C6orf136: variants seen among roughly 807,000 people sequenced by gnomAD.
The protein encoded by C6orf136 is chromosome 6 open reading frame 136.
C6orf136 carries 29 observed loss-of-function variants against 44.0 expected under a neutral mutation model. The ratio of observed to expected loss-of-function variants is 0.66; its 90% CI spans 0.49 to 0.90. The LOEUF is 0.90. Among genes scored for constraint, C6orf136 ranks in the 40% least tolerant of loss-of-function variants. The pLI is 0.00. For missense variants in C6orf136, 628 were observed against 669.3 expected (o/e 0.94, Z 0.68); for synonymous variants, 293 against 278.6 (o/e 1.05, Z -0.52).
rs1301336234 is a variant in C6orf136 at position 30,647,791 on chromosome 6, A to G, written c.560A>G (p.Gln187Arg). Residue 187 changes from glutamine to arginine, a missense_variant, in exon 1 of 6, where the codon CAA becomes CGA. Physicochemically the swap from Gln to Arg is conservative, Grantham distance 43. Transcript: ENST00000651131. The surrounding 1 kb of genome is among the most constrained non-coding windows in gnomAD (Gnocchi z 4.8). ...TRFGPLRPGWQDGHAPSRDGA... is the reference protein window; with the variant it reads ...TRFGPLRPGWRDGHAPSRDGA... ...TTCGGGCCCCTGCGCCCGGGCTGGC[A>G]AGATGGCCACGCCCCCAGCAGAGAC... 2 of 1,541,304 alleles carry G rather than the reference A, an allele frequency of 1.3e-6. No homozygotes were observed. Among genetic ancestry groups the G allele is most frequent in the Non-Finnish European group, 1.7e-6 (2 of 1,144,588 alleles).
Position 30,652,919 on chromosome 6 carries a change from T to G in C6orf136, c.*4T>G. The G allele has an allele frequency of 1.2e-6, 2 of 1,611,260 alleles. No individual in the cohort carries two copies. Among genetic ancestry groups the G allele is most frequent in the Non-Finnish European group, 1.7e-6 (2 of 1,178,680 alleles). ...AAACCTGTGTTCCAAGCCCTGATCCTTGACCTTGGAGTGGAGGCAGCACTG... is the reference window on the plus strand; with the variant it reads ...AAACCTGTGTTCCAAGCCCTGATCCGTGACCTTGGAGTGGAGGCAGCACTG... On this transcript the variant is annotated 3_prime_UTR_variant, in exon 6 of 6. Coordinates refer to ENST00000651131, the MANE Select transcript of C6orf136 (RefSeq NM_001161376.2).
At chr6:30,652,741 GGGGTAAA>G in intron 5 of C6orf136, 24 bp downstream of exon 5, 1 of 1,612,682 alleles carries the variant, frequency 6.2e-7, no homozygotes. Context: ...AGGGCTGGGT[GGGGTAAA>G]GGGTAGAACA....
At chr6:30,651,691 CAG>C (rs1767438233) in intron 4 of C6orf136, among the ~76,000 whole-genome samples, 1 of 151,808 alleles carries the variant, frequency 6.6e-6, no homozygotes, top group Non-Finnish European at 1.5e-5. Flanking sequence ...TTTTAGTAGA[CAG>C]AGGGTTTCAC....
Position 30,651,101 on chromosome 6 carries a change from G to A in C6orf136, c.1106+19G>A. The A allele has an allele frequency of 6.2e-7, 1 of 1,606,698 alleles. No homozygotes were observed. The highest frequency in any genetic ancestry group is 8.5e-7 in the Non-Finnish European group (1 of 1,173,360). On this transcript the variant is annotated intron_variant, in intron 3 of 5. Coordinates refer to ENST00000651131, the MANE Select transcript of C6orf136 (RefSeq NM_001161376.2). Reference sequence around the variant, plus strand: ...GTACCAAGTGAGAATTGGGGCACAGGTAGGGCACTGGGGAGGAAAAGCACC... The same window carrying A: ...GTACCAAGTGAGAATTGGGGCACAGATAGGGCACTGGGGAGGAAAAGCACC...
At chr6:30,652,228 G>C (rs531505762) in intron 4 of C6orf136, among the ~76,000 whole-genome samples, 1 of 135,546 alleles carries the variant, frequency 7.4e-6, no homozygotes, top group Non-Finnish European at 1.6e-5. Context: ...GGGTGACAGA[G>C]TGAAACCCTG....
Position 30,647,626 on chromosome 6 carries a change from G to A in C6orf136, c.395G>A (p.Gly132Asp). The A allele has an allele frequency of 6.5e-7, 1 of 1,549,914 alleles. No homozygotes were observed. The highest frequency in any genetic ancestry group is 1.2e-5 in the South Asian group (1 of 84,012). ...CCTAGAGGTGATTTGAAGGGCAGGG[G>A]CCGAGAGATTCGTAGCCCTGCTGCG... ...PVPRGDLKGR[G>D]REIRSPAAAP... Residue 132 changes from glycine to aspartate, a missense_variant, in exon 1 of 6, where the codon GGC becomes GAC. Around this residue, in one of 2 missense-constraint regions of C6orf136, gnomAD observed 497 missense variants for 469.2 expected, o/e 1.06. Transcript: ENST00000651131. This position sits in a 1 kb window ranked among gnomAD's most constrained non-coding sequence, Gnocchi z 4.8.
intron 3 of C6orf136, 36 bp from the exon 4 acceptor site, chr6:30,651,230 C>T: frequency 1.2e-6 from 2 of 1,609,832 alleles, no homozygotes; most frequent in African/African-American, 1.3e-5. Flanking sequence ...TCTAATTCTG[C>T]CATCATGAGA....
intron 4 of C6orf136, 124 bp from the exon 5 acceptor site, chr6:30,652,524 T>C: frequency 2.4e-6 from 2 of 844,710 alleles, no homozygotes; most frequent in East Asian, 2.4e-5. Context: ...ACTGAGATGT[T>C]TGTAAGTTGC....
At chr6:30,650,543 G>A (rs1011834579) in intron 2 of C6orf136, among the ~76,000 whole-genome samples, 2 of 151,956 alleles carry the variant, frequency 1.3e-5, no homozygotes, top group South Asian at 2.1e-4. Context: ...CTAGCACTTT[G>A]GGAGGCCGAG....
intron 4 of C6orf136, among the ~76,000 whole-genome samples, chr6:30,652,251 ACACACAC>A (rs1288261962): frequency 1.4e-5 from 2 of 141,652 alleles, no homozygotes; most frequent in Non-Finnish European, 3.1e-5. Flanking sequence ...ACACACACAC[ACACACAC>A]ACACACACAC....
chr6:30,647,806 C>G lies in C6orf136; in HGVS notation c.575C>G (p.Pro192Arg). The G allele has an allele frequency of 5.9e-6, 9 of 1,534,172 alleles. No homozygotes were observed. Among genetic ancestry groups the G allele is most frequent in the South Asian group, 2.4e-5 (2 of 83,092 alleles). ...CCGGGCTGGCAAGATGGCCACGCCC[C>G]CAGCAGAGACGGCGCCTCTAGGACA... ...LRPGWQDGHAPSRDGASRTPS... is the reference protein window; with the variant it reads ...LRPGWQDGHARSRDGASRTPS... The change falls in exon 1 of 6, where the codon CCC (proline) becomes CGC (arginine). Residue 192 changes from proline (P) to arginine (R), a missense_variant. Coordinates refer to ENST00000651131, the MANE Select transcript of C6orf136 (RefSeq NM_001161376.2). This position sits in a 1 kb window ranked among gnomAD's most constrained non-coding sequence, Gnocchi z 4.8.
chr6:30,652,686 G>A lies in C6orf136; in HGVS notation c.1346G>A (p.Ser449Asn). 1 of 1,613,068 alleles carries A rather than the reference G, an allele frequency of 6.2e-7. No individual in the cohort carries two copies. Among genetic ancestry groups the A allele is most frequent in the Non-Finnish European group, 8.5e-7 (1 of 1,180,038 alleles). Residue 449 changes from serine (S) to asparagine (N), a missense_variant, in exon 5 of 6, where the codon AGT becomes AAT. Ser to Asn is a conservative substitution (Grantham distance 46, BLOSUM62 1). Coordinates refer to ENST00000651131, the MANE Select transcript of C6orf136 (RefSeq NM_001161376.2). Reference protein sequence around the residue: ...DAYSTFYLNSSGLICRHRLDK... With the variant: ...DAYSTFYLNSNGLICRHRLDK... The stretch of plus-strand genomic sequence containing the variant: ...TACTCCACTTTCTACCTGAATTCCA[G>A]TGGCCTCATTTGTCGCCATCGTCTA...
rs1582906545 is a variant in C6orf136, at chr6:30,649,459, A to C, written c.616-99A>C. 12 of 1,045,468 alleles carry C rather than the reference A, an allele frequency of 1.1e-5. No homozygotes were observed. The East Asian group carries it at 3.2e-4, about 28-fold the overall frequency. 64.8% of individuals were successfully genotyped at this position (1,045,468 alleles called of 1,614,324 possible). ...CTATAGTAATTCCATCCATTCTGTC[A>C]GGAGGAATAGGTATTGGAAGCCTGT... is the stretch of plus-strand genomic sequence containing the variant. On this transcript the variant is annotated intron_variant, in intron 1 of 5. Coordinates refer to ENST00000651131, the MANE Select transcript of C6orf136 (RefSeq NM_001161376.2).
At position 30,651,066 on chromosome 6, in the gene C6orf136, C is replaced by G; in HGVS notation, c.1090C>G (p.Leu364Val). The change falls in exon 3 of 6, where the codon CTC becomes GTC. Residue 364 changes from leucine (L) to valine (V), a missense_variant. Leu to Val is a conservative substitution (Grantham distance 32). Coordinates refer to ENST00000651131, the MANE Select transcript of C6orf136 (RefSeq NM_001161376.2). ...SLDVEFINEI[L>V]NIRTKGRTWY... ...GGATGTGGAATTCATCAATGAGATC[C>G]TCAACATACGTACCAAGTGAGAATT... The G allele has an allele frequency of 6.2e-7, 1 of 1,613,846 alleles. No homozygotes were observed. The highest frequency in any genetic ancestry group is 8.5e-7 in the Non-Finnish European group (1 of 1,179,758).
Position 30,647,765 on chromosome 6 carries a change from G to T in C6orf136, c.534G>T (p.Arg178=). Residue 178 remains arginine, a synonymous_variant, in exon 1 of 6, where the codon CGG becomes CGT. Transcript: ENST00000651131. The surrounding 1 kb of genome is among the most constrained non-coding windows in gnomAD (Gnocchi z 4.8). ...AGGAAGGCCGGCCAGTGTGCACCCG[G>T]TTCGGGCCCCTGCGCCCGGGCTGGC... ...SWQEGRPVCT[R]FGPLRPGWQD... 1 of 1,546,290 alleles carries T rather than the reference G, an allele frequency of 6.5e-7. No homozygotes were observed. The highest frequency in any genetic ancestry group is 8.7e-7 in the Non-Finnish European group (1 of 1,145,650).
intron 1 of C6orf136, among the ~76,000 whole-genome samples, chr6:30,648,543 C>T (rs1173007893): frequency 1.3e-5 from 2 of 151,586 alleles, no homozygotes; most frequent in African/African-American, 4.8e-5. Flanking sequence ...GGACTACAGG[C>T]TCCCGCCACC....
chr6:30,650,005 G>A, intron 2 of C6orf136, 46 bp downstream of exon 2: 1 of 1,552,984 alleles, frequency 6.4e-7, no homozygotes, highest in Non-Finnish European at 8.8e-7. Context: ...GGAAGGATGT[G>A]GGTAATCCTT....
chr6:30,651,148 TTTCAC>T lies in C6orf136; in HGVS notation c.1106+70_1106+74del, dbSNP rs994557013. ...CACCCAAAGGTATATACATGACCCT[TTTCAC>T]TTCCCAGAGAAGTTCCTAGACTGCT... is the stretch of plus-strand genomic sequence containing the variant. On this transcript the variant is annotated intron_variant, in intron 3 of 5. Transcript: ENST00000651131. 226 of 1,566,748 alleles carry T rather than the reference TTTCAC, an allele frequency of 1.4e-4. 1 individual carries two copies. The Middle Eastern group carries it at 1.5e-3, about 10-fold the overall frequency.
Position 30,649,772 on chromosome 6 carries a change from G to T in C6orf136, c.830G>T (p.Gly277Val). 3 of 1,614,066 alleles carry T rather than the reference G, an allele frequency of 1.9e-6. No homozygotes were observed. The highest frequency in any genetic ancestry group is 1.6e-4 in the Middle Eastern group (1 of 6,062). The change falls in exon 2 of 6, where the codon GGA (glycine) becomes GTA (valine). Residue 277 changes from glycine to valine, a missense_variant. Coordinates refer to ENST00000651131, the MANE Select transcript of C6orf136 (RefSeq NM_001161376.2). ...CCAGGAAAGGGGGAGGAGGGACCAG[G>T]ACCTGAGTTGCATAGCGGCTGCCTG... ...LPPGKGEEGPGPELHSGCLDG... is the reference protein window; with the variant it reads ...LPPGKGEEGPVPELHSGCLDG...
Sources: gnomAD v4.1 joint callset for allele counts (sites outside exome capture counted in the v4.1 genomes callset) on GRCh38, gnomAD v4.1.1 for gene constraint, gnomAD v4.1.1 regional missense constraint, Gnocchi (gnomAD v3.1) non-coding constraint, MANE v1.5 for transcripts, NCBI Gene and HGNC (gene_info 2026-07-23, HGNC 2026-07-21) for gene names.